The following FMNL1 variants were observed in gnomAD, a reference collection of about 807,000 sequenced individuals.
FMNL1 encodes the protein formin-like protein 1.
A neutral mutation model predicts 121.3 loss-of-function variants in FMNL1; 43 were observed. The ratio of observed to expected loss-of-function variants is 0.35; its 90% CI spans 0.28 to 0.46. The LOEUF is 0.46. Ranked by LOEUF, FMNL1 falls within the 20% of genes least tolerant of loss-of-function variation. FMNL1 has a pLI of 1.00. For synonymous variants in FMNL1, 613 were observed against 613.5 expected (o/e 1.00, Z 0.01); for missense variants, 1,191 against 1,482.4 (o/e 0.80, Z 3.23).
Position 45,245,908 on chromosome 17 carries a change from AAAG to A in FMNL1, c.3029_3031del (p.Glu1010del). On this transcript the variant is annotated inframe_deletion, in exon 24 of 27. Coordinates refer to ENST00000331495, the MANE Select transcript of FMNL1 (RefSeq NM_005892.4). ...TGAGCAGGAGGTGGAACAGTGGAAAAAAGAAGCCGCTGCCCAGGAGGCAGGCGC... is the reference window on the plus strand; with the variant it reads ...TGAGCAGGAGGTGGAACAGTGGAAAAAAGCCGCTGCCCAGGAGGCAGGCGC... The A allele has an allele frequency of 6.3e-7, 1 of 1,592,588 alleles. No individual in the cohort carries two copies. The highest frequency in any genetic ancestry group is 1.9e-5 in the Admixed American group (1 of 53,674).
chr17:45,233,208 T>G lies in FMNL1; in HGVS notation c.328-16T>G. On this transcript the variant is annotated splice_polypyrimidine_tract_variant and intron_variant, in intron 3 of 26. Transcript: ENST00000331495. This position sits in a 1 kb window ranked among gnomAD's most constrained non-coding sequence, Gnocchi z 4.1. ...CCGGGCTCCACCCACCAGCCTTCCC[T>G]GTTCTCGGTCCCCAGTTTAAGAGGC... is the stretch of plus-strand genomic sequence containing the variant. The G allele has an allele frequency of 1.9e-6, 3 of 1,552,954 alleles. No homozygotes were observed. The highest frequency in any genetic ancestry group is 2.6e-6 in the Non-Finnish European group (3 of 1,147,834).
chr17:45,232,953 C>A (rs909383023), intron 3 of FMNL1: 2 of 593,152 alleles, frequency 3.4e-6, no homozygotes, highest in Admixed American at 4.3e-5. Flanking sequence ...CACACACACT[C>A]TGCCTCTTTG....
At chr17:45,240,860 C>T (rs1285795038) in intron 12 of FMNL1, 2 of 732,404 alleles carry the variant, frequency 2.7e-6, no homozygotes, top group Admixed American at 2.9e-5. Flanking sequence ...TACCCAGGCT[C>T]AGACCCCAGG....
chr17:45,236,528 G>T, intron 7 of FMNL1: 1 of 302,524 alleles, frequency 3.3e-6, no homozygotes, highest in Non-Finnish European at 6.2e-6. Context: ...GGGCTGGCCG[G>T]AGGGCCAGGG....
chr17:45,247,044 C>A lies in FMNL1; in HGVS notation c.*186C>A. 1 of 642,852 alleles carries A rather than the reference C, an allele frequency of 1.6e-6. No homozygotes were observed. The highest frequency in any genetic ancestry group is 1.6e-5 in the South Asian group (1 of 60,792). 39.8% of individuals were successfully genotyped at this position (642,852 alleles called of 1,614,324 possible). A position where few individuals can be genotyped will look rare whatever the true frequency, so the allele number is the denominator to read the frequency against. ...GCTGAGGCTCAAGGAAGGTGGTCCT[C>A]AGCTCGGCTGGCCGGGCAGCCCCTC... On this transcript the variant is annotated 3_prime_UTR_variant, in exon 27 of 27. Coordinates refer to ENST00000331495, the MANE Select transcript of FMNL1 (RefSeq NM_005892.4).
Position 45,222,116 on chromosome 17 carries a change from G to A in FMNL1, c.-9G>A. 2.6e-6 allele frequency: 3 copies of A among 1,158,694 alleles called. No homozygotes were observed. The highest frequency in any genetic ancestry group is 3.2e-6 in the Non-Finnish European group (3 of 942,252). 71.8% of individuals were successfully genotyped at this position (1,158,694 alleles called of 1,614,324 possible). A position where few individuals can be genotyped will look rare whatever the true frequency, so the allele number is the denominator to read the frequency against. ...CTGGAGGCGCCTGGCCGGCTGGGTG[G>A]GGACCACCATGGGCAACGCGGCCGG... On this transcript the variant is annotated 5_prime_UTR_variant, in exon 1 of 27. Transcript: ENST00000331495.
chr17:45,241,771 G>A lies in FMNL1; in HGVS notation c.1586-76G>A. The A allele has an allele frequency of 7.1e-7, 1 of 1,403,816 alleles. No homozygotes were observed. The highest frequency in any genetic ancestry group is 9.2e-7 in the Non-Finnish European group (1 of 1,083,424). 87.0% of individuals were successfully genotyped at this position (1,403,816 alleles called of 1,614,324 possible). A position where few individuals can be genotyped will look rare whatever the true frequency, so the allele number is the denominator to read the frequency against. On this transcript the variant is annotated intron_variant, in intron 14 of 26. Transcript: ENST00000331495. The surrounding 1 kb of genome is among the most constrained non-coding windows in gnomAD (Gnocchi z 7.0). ...TCAGGTAGGAGCGCATGCGTAGAGC[G>A]GAGAGGCGGAGAGGGGCCCACCCAA...
intron 9 of FMNL1, 163 bp from the exon 10 acceptor site, chr17:45,238,401 A>G (rs1184777538): frequency 4.6e-6 from 3 of 654,206 alleles, no homozygotes; most frequent in Admixed American, 2.7e-5. Context: ...AAAGTGAGGG[A>G]GAGTGGGAGA....
At chr17:45,239,655 C>T (rs1404766889) in intron 11 of FMNL1, among the ~76,000 whole-genome samples, 1 of 152,130 alleles carries the variant, frequency 6.6e-6, no homozygotes, top group Non-Finnish European at 1.5e-5. Context: ...AGGTAGAGAG[C>T]AGGCTGGCGG....
intron 3 of FMNL1, chr17:45,232,944 A>G (rs1330013498): frequency 6.9e-6 from 4 of 578,838 alleles, no homozygotes; most frequent in Non-Finnish European, 1.3e-5. Context: ...GTGTGTGCGC[A>G]CACACACTCT....
At chr17:45,238,812 G>A (rs986405834) in intron 10 of FMNL1, 143 bp from the exon 11 acceptor site, 12 of 1,064,424 alleles carry the variant, frequency 1.1e-5, no homozygotes, top group South Asian at 1.5e-5. Flanking sequence ...GAACATGGAG[G>A]TGAAATGTTG....
chr17:45,238,935 C>T lies in FMNL1; in HGVS notation c.970-20C>T. ...CCCCACCTAGAGGATCATAGATCTC[C>T]CCATGTCCCTGGCTCCCAGGTGGCC... On this transcript the variant is annotated intron_variant, in intron 10 of 26. Coordinates refer to ENST00000331495, the MANE Select transcript of FMNL1 (RefSeq NM_005892.4). 6.2e-7 allele frequency: 1 copy of T among 1,604,354 alleles called. No individual in the cohort carries two copies. The highest frequency in any genetic ancestry group is 8.5e-7 in the Non-Finnish European group (1 of 1,171,068).
chr17:45,241,615 G>T lies in FMNL1; in HGVS notation c.1566G>T (p.Pro522=). The part of the protein sequence containing the change: ...SGGDAPTPGV[P]TGSPSPDLAP... The stretch of plus-strand genomic sequence containing the variant: ...GTGATGCTCCGACTCCGGGGGTGCC[G>T]ACCGGCTCCCCCAGCCCAGGTGCGC... The change falls in exon 14 of 27, where the codon CCG becomes CCT. Residue 522 remains proline (P), a synonymous_variant. Coordinates refer to ENST00000331495, the MANE Select transcript of FMNL1 (RefSeq NM_005892.4). The surrounding 1 kb of genome is among the most constrained non-coding windows in gnomAD (Gnocchi z 7.0). 1 of 1,522,700 alleles carries T rather than the reference G, an allele frequency of 6.6e-7. No homozygotes were observed. Among genetic ancestry groups the T allele is most frequent in the Non-Finnish European group, 8.8e-7 (1 of 1,132,350 alleles). The allele number at this position is 1,522,700 out of a possible 1,614,324, so 94.3% of individuals were successfully genotyped here. A position where few individuals can be genotyped will look rare whatever the true frequency, so the allele number is the denominator to read the frequency against.
chr17:45,244,098 G>A (rs1341277516), intron 18 of FMNL1, 73 bp downstream of exon 18: 19 of 1,603,900 alleles, frequency 1.2e-5, no homozygotes, highest in Admixed American at 1.7e-5. Flanking sequence ...CCTGGGCTGC[G>A]GCAGGGAACC....
Position 45,233,737 on chromosome 17 carries a change from C to G in FMNL1, c.485+6C>G. ...TTTGCCCAGTGCTCTGTCACGTAAGCCCCCTGCTCCCAGCCCTCATGCCGC... is the reference window on the plus strand; with the variant it reads ...TTTGCCCAGTGCTCTGTCACGTAAGGCCCCTGCTCCCAGCCCTCATGCCGC... On this transcript the variant is annotated splice_donor_region_variant and intron_variant, in intron 5 of 26. Coordinates refer to ENST00000331495, the MANE Select transcript of FMNL1 (RefSeq NM_005892.4). The surrounding 1 kb of genome is among the most constrained non-coding windows in gnomAD (Gnocchi z 4.1). The G allele has an allele frequency of 6.2e-7, 1 of 1,613,704 alleles. No individual in the cohort carries two copies.
intron 1 of FMNL1, among the ~76,000 whole-genome samples, chr17:45,222,751 C>G (rs1047418842): frequency 6.6e-6 from 1 of 152,140 alleles, no homozygotes; most frequent in African/African-American, 2.4e-5. Flanking sequence ...GGATCATGGC[C>G]AGGAGGTATC....
In FMNL1 at chr17:45,246,928, C is replaced by T. The variant is rs1293664675; in HGVS notation, c.*70C>T. The T allele has an allele frequency of 2.6e-6, 2 of 758,010 alleles. No homozygotes were observed. Among genetic ancestry groups the T allele is most frequent in the Admixed American group, 1.7e-5 (1 of 58,062 alleles). 47.0% of individuals were successfully genotyped at this position (758,010 alleles called of 1,614,324 possible). A position where few individuals can be genotyped will look rare whatever the true frequency, so the allele number is the denominator to read the frequency against. ...GCCGCCGCAGTGCCCGTCGGCGTCC[C>T]CCGGGCCCCCCACTGCAGGTCACCT... On this transcript the variant is annotated 3_prime_UTR_variant, in exon 27 of 27. Transcript: ENST00000331495.
rs1448851355 is a variant in FMNL1, at chr17:45,237,167, G to A, written c.724-114G>A. On this transcript the variant is annotated intron_variant, in intron 7 of 26. Transcript: ENST00000331495. The surrounding 1 kb of genome is among the most constrained non-coding windows in gnomAD (Gnocchi z 4.4). Reference sequence around the variant, plus strand: ...AGGTTTTGGTGGCCACAGAAGTTGCGGTTGGATACAAAGAACTTCCTAAAC... The same window carrying A: ...AGGTTTTGGTGGCCACAGAAGTTGCAGTTGGATACAAAGAACTTCCTAAAC... 3 of 890,532 alleles carry A rather than the reference G, an allele frequency of 3.4e-6. No individual in the cohort carries two copies. Among genetic ancestry groups the A allele is most frequent in the East Asian group, 2.6e-5 (1 of 38,680 alleles). 55.2% of individuals were successfully genotyped at this position (890,532 alleles called of 1,614,324 possible).
chr17:45,241,645 G>A lies in FMNL1; in HGVS notation c.1585+11G>A, dbSNP rs765430709. ...GCTCCCCCAGCCCAGGTGCGCAGGA[G>A]CTTCAGGCTGGCGGGGATGCGGGGC... On this transcript the variant is annotated intron_variant, in intron 14 of 26. Coordinates refer to ENST00000331495, the MANE Select transcript of FMNL1 (RefSeq NM_005892.4). The surrounding 1 kb of genome is among the most constrained non-coding windows in gnomAD (Gnocchi z 7.0). 1.3e-6 allele frequency: 2 copies of A among 1,490,048 alleles called. No individual in the cohort carries two copies. The highest frequency in any genetic ancestry group is 1.3e-5 in the South Asian group (1 of 75,412). The allele number at this position is 1,490,048 out of a possible 1,614,324, so 92.3% of individuals were successfully genotyped here. A position where few individuals can be genotyped will look rare whatever the true frequency, so the allele number is the denominator to read the frequency against.
Sources: gnomAD v4.1 joint callset for allele counts (sites outside exome capture counted in the v4.1 genomes callset) on GRCh38, gnomAD v4.1.1 for gene constraint, Gnocchi (gnomAD v3.1) non-coding constraint, MANE v1.5 for transcripts, NCBI Gene and HGNC (gene_info 2026-07-23, HGNC 2026-07-21) for gene names.